The following PTPRS variants were observed in gnomAD, a reference collection of about 807,000 sequenced individuals.
PTPRS encodes protein tyrosine phosphatase receptor type S.
Under a neutral mutation model 215.3 loss-of-function variants are expected in PTPRS, and 63 were observed. The ratio of observed to expected loss-of-function variants is 0.29; its 90% CI spans 0.24 to 0.36. The LOEUF is 0.36. Among genes scored for constraint, PTPRS ranks in the 10% least tolerant of loss-of-function variants. PTPRS has a pLI of 1.00. For missense variants in PTPRS, 2,258 were observed against 2,825.8 expected (o/e 0.80, Z 4.56); for synonymous variants, 1,404 against 1,191.4 (o/e 1.18, Z -3.68).
At chr19:5,213,197 C>A (rs1046230175) in intron 30 of PTPRS, among the ~76,000 whole-genome samples, 5 of 152,214 alleles carry the variant, frequency 3.3e-5, no homozygotes, top group Non-Finnish European at 7.3e-5. Flanking sequence ...CCCTCTTTGC[C>A]GCAGACCTTG....
Position 5,222,975 on chromosome 19 carries a change from G to A in PTPRS, c.2817C>T (p.Gly939=), listed in dbSNP as rs769766883. The change falls in exon 18 of 38, where the codon GGC becomes GGT. Residue 939 remains glycine, a synonymous_variant. Transcript: ENST00000262963. Reference sequence around the variant, plus strand: ...GAAGGACGGTCCCGGCCGAGGCGTTGCCGGCCGCCTCCAGAATCTGCGGGT... The same window carrying A: ...GAAGGACGGTCCCGGCCGAGGCGTTACCGGCCGCCTCCAGAATCTGCGGGT... ...RGHPQILEAA[G]NASAGTVLLR... The A allele has an allele frequency of 1.3e-6, 2 of 1,541,274 alleles. No individual in the cohort carries two copies. The highest frequency in any genetic ancestry group is 1.7e-6 in the Non-Finnish European group (2 of 1,148,054).
intron 1 of PTPRS, among the ~76,000 whole-genome samples, chr19:5,337,450 C>T (rs2050542424): frequency 6.6e-6 from 1 of 152,220 alleles, no homozygotes; most frequent in African/African-American, 2.4e-5. Flanking sequence ...GTATTGGGGC[C>T]ATGCAGCCGC....
chr19:5,210,404 C>A lies in PTPRS; in HGVS notation c.5487+65G>T. On this transcript the variant is annotated intron_variant, in intron 35 of 37. Transcript: ENST00000262963. The surrounding 1 kb of genome is among the most constrained non-coding windows in gnomAD (Gnocchi z 4.5). ...CCTTGGCCTTTGTATCCATCACCAA[C>A]CAGGGCAGCCCTTTCCAGATCACTA... is the stretch of plus-strand genomic sequence containing the variant. The A allele has an allele frequency of 6.2e-7, 1 of 1,606,994 alleles. No homozygotes were observed. The highest frequency in any genetic ancestry group is 8.5e-7 in the Non-Finnish European group (1 of 1,175,614).
At position 5,215,354 on chromosome 19, in the gene PTPRS, G is replaced by A. The variant is rs530579519; in HGVS notation, c.4253C>T (p.Pro1418Leu). The A allele has an allele frequency of 5.6e-6, 9 of 1,614,102 alleles. No homozygotes were observed. Among genetic ancestry groups the A allele is most frequent in the East Asian group, 4.5e-5 (2 of 44,872 alleles). The change falls in exon 28 of 38, where the codon CCG (proline) becomes CTG (leucine). Residue 1418 changes from proline to leucine, a missense_variant. This residue lies in a region of PTPRS where 927 missense variants were observed against 1,125.9 expected (regional missense o/e 0.82). Coordinates refer to ENST00000262963, the MANE Select transcript of PTPRS (RefSeq NM_002850.4). ...WEHSNLEVNK[P>L]KNRYANVIAY... The stretch of plus-strand genomic sequence containing the variant: ...GATGACGTTGGCATAGCGGTTCTTC[G>A]GCTTGTTCACTTCCAGGTTGGAATG...
intron 1 of PTPRS, among the ~76,000 whole-genome samples, chr19:5,324,660 C>T (rs1245391463): frequency 6.6e-6 from 1 of 152,240 alleles, no homozygotes; most frequent in African/African-American, 2.4e-5. Context: ...CTCAACTCTA[C>T]TTGCTGTGTG....
intron 3 of PTPRS, 108 bp downstream of exon 3, chr19:5,274,091 G>A: frequency 6.9e-7 from 1 of 1,451,446 alleles, no homozygotes; most frequent in South Asian, 1.3e-5. Context: ...GGCCACAGAT[G>A]ATGCTCCACC....
chr19:5,243,854 C>T (rs763827624), intron 11 of PTPRS, 47 bp downstream of exon 11: 38 of 1,412,040 alleles, frequency 2.7e-5, no homozygotes, highest in Middle Eastern at 2.4e-4. Context: ...TGCAAAGAAC[C>T]AAGCCGCACG....
intron 26 of PTPRS, among the ~76,000 whole-genome samples, chr19:5,215,848 G>GTCACA (rs2041389698): frequency 6.6e-6 from 1 of 152,128 alleles, no homozygotes; most frequent in Non-Finnish European, 1.5e-5. Flanking sequence ...CCCCTGGAGG[G>GTCACA]GCCTGGATCA....
Position 5,257,367 on chromosome 19 carries a change from C to T in PTPRS, c.706+650G>A, listed in dbSNP as rs1181448388. 8.8e-6 allele frequency: 4 copies of T among 452,728 alleles called. No individual in the cohort carries two copies. The highest frequency in any genetic ancestry group is 4.0e-5 in the African/African-American group (2 of 49,892). The allele number at this position is 452,728 out of a possible 1,614,324, so 28.0% of individuals were successfully genotyped here. On this transcript the variant is annotated intron_variant, in intron 8 of 37. Coordinates refer to ENST00000262963, the MANE Select transcript of PTPRS (RefSeq NM_002850.4). The surrounding 1 kb of genome is among the most constrained non-coding windows in gnomAD (Gnocchi z 4.4). ...GCCTGCCCCAGCTCGGTGCAACTAC[C>T]GAGCCCCCCGGGTGCCTGTGCCCGC...
intron 13 of PTPRS, among the ~76,000 whole-genome samples, 192 bp downstream of exon 13, chr19:5,238,727 C>T (rs1366549987): frequency 2.0e-5 from 3 of 152,340 alleles, no homozygotes; most frequent in Admixed American, 6.5e-5. Context: ...CTGAGACCCT[C>T]GCTGTGCTGA....
At position 5,225,793 on chromosome 19, in the gene PTPRS, C is replaced by T. The variant is rs755562182; in HGVS notation, c.2428G>A (p.Ala810Thr). 4 of 1,613,940 alleles carry T rather than the reference C, an allele frequency of 2.5e-6. No individual in the cohort carries two copies. In the African/African-American group the frequency reaches 4.0e-5, roughly 16 times the overall value. Reference protein sequence around the residue: ...QPETAYSITVAAYTMKGDGAR... With the variant: ...QPETAYSITVTAYTMKGDGAR... ...CCATCGCCCTTCATGGTGTAGGCGGCTACCGTGATGGAGTACGCGGTCTCA... is the reference window on the plus strand; with the variant it reads ...CCATCGCCCTTCATGGTGTAGGCGGTTACCGTGATGGAGTACGCGGTCTCA... The change falls in exon 17 of 38, where the codon GCC (alanine) becomes ACC (threonine). Residue 810 changes from alanine (A) to threonine (T), a missense_variant. Physicochemically the swap from Ala to Thr is moderately conservative, Grantham distance 58. This residue lies in a region of PTPRS where 371 missense variants were observed against 446.7 expected (regional missense o/e 0.83). Coordinates refer to ENST00000262963, the MANE Select transcript of PTPRS (RefSeq NM_002850.4).
intron 1 of PTPRS, among the ~76,000 whole-genome samples, chr19:5,302,437 G>A (rs1451093794): frequency 6.6e-6 from 1 of 152,150 alleles, no homozygotes; most frequent in Non-Finnish European, 1.5e-5. Flanking sequence ...TAATTCAACA[G>A]TATCGCATAT....
chr19:5,225,018 C>T (rs929360731), intron 17 of PTPRS, among the ~76,000 whole-genome samples: 2 of 152,166 alleles, frequency 1.3e-5, no homozygotes, highest in African/African-American at 4.8e-5. Flanking sequence ...GCCCCACCCC[C>T]CAAGTCTTTT....
intron 1 of PTPRS, among the ~76,000 whole-genome samples, chr19:5,319,209 C>A (rs143604153): frequency 1.6e-4 from 24 of 152,030 alleles, no homozygotes; most frequent in African/African-American, 5.6e-4. Context: ...GTCAGGAGCT[C>A]GAGACCAGCC....
At chr19:5,335,231 T>A (rs140114240) in intron 1 of PTPRS, among the ~76,000 whole-genome samples, 1 of 152,186 alleles carries the variant, frequency 6.6e-6, no homozygotes, top group Non-Finnish European at 1.5e-5. Flanking sequence ...GAAGGATGCA[T>A]GCGACTGACT....
intron 20 of PTPRS, among the ~76,000 whole-genome samples, chr19:5,220,637 T>A (rs1294781845): frequency 1.3e-5 from 2 of 152,346 alleles, no homozygotes; most frequent in East Asian, 3.9e-4. Flanking sequence ...CATAACCTTG[T>A]AGCCCTTAAA....
intron 30 of PTPRS, 149 bp downstream of exon 30, chr19:5,214,212 G>A: frequency 1.8e-6 from 2 of 1,134,708 alleles, no homozygotes; most frequent in South Asian, 3.1e-5. Context: ...CCACGGAAGT[G>A]GGTTCCATGA....
At position 5,219,482 on chromosome 19, in the gene PTPRS, G is replaced by C. The variant is rs759644392; in HGVS notation, c.3766-15C>G. 7.1e-6 allele frequency: 11 copies of C among 1,552,660 alleles called. No homozygotes were observed. Among genetic ancestry groups the C allele is most frequent in the Non-Finnish European group, 8.7e-6 (10 of 1,152,982 alleles). ...GCTGCAAAGGTCTGCAGGGAAAGGA[G>C]GGGGGTCTCCATCAGTGTCCACCCT... On this transcript the variant is annotated splice_polypyrimidine_tract_variant and intron_variant, in intron 22 of 37. Transcript: ENST00000262963.
At chr19:5,245,753 C>A in intron 10 of PTPRS, 23 bp downstream of exon 10, 1 of 1,544,946 alleles carries the variant, frequency 6.5e-7, no homozygotes, top group Admixed American at 1.8e-5. Context: ...CCTCCACCTA[C>A]GAGCCCCATG....
Sources: gnomAD v4.1 joint callset for allele counts (sites outside exome capture counted in the v4.1 genomes callset) on GRCh38, gnomAD v4.1.1 for gene constraint, gnomAD v4.1.1 regional missense constraint, Gnocchi (gnomAD v3.1) non-coding constraint, MANE v1.5 for transcripts, NCBI Gene and HGNC (gene_info 2026-07-23, HGNC 2026-07-21) for gene names.